Variants in NELL1 observed in about 807,000 individuals in gnomAD.
The protein encoded by NELL1 is neural EGFL like 1.
Under a neutral mutation model 107.4 loss-of-function variants are expected in NELL1, and 76 were observed. The ratio of observed to expected loss-of-function variants is 0.71; its 90% CI spans 0.59 to 0.86. The LOEUF is 0.86. NELL1 is among the 40% of genes least tolerant of loss of function. The pLI is 0.00. For missense variants in NELL1, 1,024 were observed against 1,005.5 expected (o/e 1.02, Z -0.25); for synonymous variants, 353 against 341.2 (o/e 1.03, Z -0.38).
chr11:21,487,039 C>T (rs1211105461), intron 15 of NELL1, among the ~76,000 whole-genome samples: 1 of 151,948 alleles, frequency 6.6e-6, no homozygotes, highest in African/African-American at 2.4e-5. Context: ...GAAGGGGTTC[C>T]AAAACCTATT....
chr11:21,196,545 A>C (rs372235029), intron 13 of NELL1, among the ~76,000 whole-genome samples: 1 of 151,978 alleles, frequency 6.6e-6, no homozygotes, highest in South Asian at 2.1e-4. Context: ...TCTGCATTTC[A>C]TCTAAGTCTT....
chr11:21,472,391 T>C (rs1854206530), intron 15 of NELL1, among the ~76,000 whole-genome samples: 1 of 152,022 alleles, frequency 6.6e-6, no homozygotes, highest in African/African-American at 2.4e-5. Flanking sequence ...TTTGGAGCAC[T>C]ACAACATTAT....
intron 12 of NELL1, among the ~76,000 whole-genome samples, chr11:21,094,057 G>A (rs1488802776): frequency 6.6e-6 from 1 of 152,196 alleles, no homozygotes; most frequent in Admixed American, 6.5e-5. Context: ...TTTCACTAAT[G>A]AGTCTGTAAA....
intron 2 of NELL1, chr11:20,769,536 A>C (rs1429064729): frequency 6.6e-6 from 1 of 152,234 alleles, no homozygotes; most frequent in Non-Finnish European, 1.5e-5. Flanking sequence ...CATCTTAATC[A>C]CCACAGTACA....
At chr11:20,687,397 T>A (rs1228936063) in intron 2 of NELL1, among the ~76,000 whole-genome samples, 1 of 152,074 alleles carries the variant, frequency 6.6e-6, no homozygotes, top group Non-Finnish European at 1.5e-5. Flanking sequence ...TCTTTATGAC[T>A]ATGTATTTTT....
intron 2 of NELL1, among the ~76,000 whole-genome samples, chr11:20,681,876 G>C (rs79574220): frequency 0.035 from 5,394 of 152,042 alleles, 332 homozygotes; most frequent in African/African-American, 0.12. Flanking sequence ...GTCGACTTCT[G>C]TTGTCACATT....
chr11:20,677,659 T>G (rs551993190), intron 1 of NELL1, among the ~76,000 whole-genome samples: 1 of 152,280 alleles, frequency 6.6e-6, no homozygotes, highest in African/African-American at 2.4e-5. Flanking sequence ...CATGGCACCT[T>G]CTGAATTCTG....
At chr11:21,453,798 T>G (rs1304136507) in intron 15 of NELL1, among the ~76,000 whole-genome samples, 1 of 147,966 alleles carries the variant, frequency 6.8e-6, no homozygotes, top group Non-Finnish European at 1.5e-5. Context: ...CTCTTTTGTG[T>G]TTTCTTTCCC....
At chr11:20,996,802 G>T (rs760026386) in intron 12 of NELL1, among the ~76,000 whole-genome samples, 22 of 152,026 alleles carry the variant, frequency 1.4e-4, no homozygotes, top group Non-Finnish European at 3.2e-4. Flanking sequence ...CCTCTCTAGG[G>T]TTTTTATCTT....
intron 5 of NELL1, among the ~76,000 whole-genome samples, chr11:20,899,758 T>TA (rs909847649): frequency 6.6e-6 from 1 of 151,718 alleles, no homozygotes. Flanking sequence ...ATATTAGAAA[T>TA]AAAAAAAGCA....
At chr11:21,024,394 C>T (rs954859888) in intron 12 of NELL1, among the ~76,000 whole-genome samples, 2 of 152,038 alleles carry the variant, frequency 1.3e-5, no homozygotes, top group Non-Finnish European at 2.9e-5. Context: ...TATTTTGGCT[C>T]CTGGACTCAT....
chr11:20,827,771 G>T (rs1045078852), intron 3 of NELL1, among the ~76,000 whole-genome samples: 1 of 151,126 alleles, frequency 6.6e-6, no homozygotes, highest in Non-Finnish European at 1.5e-5. Context: ...AAAGTAAATT[G>T]GTTATGATTT....
rs113731066 is a variant in NELL1, at chr11:20,840,356, C to T, written c.336-7227C>T. 2.6e-5 allele frequency among the ~76,000 whole-genome samples: 4 copies of T among 152,132 alleles called. No individual in the cohort carries two copies. The South Asian group carries it at 6.2e-4, about 24-fold the overall frequency. On this transcript the variant is annotated intron_variant, in intron 3 of 19. Transcript: ENST00000357134. The stretch of plus-strand genomic sequence containing the variant: ...TCTATTGATGTATAAAAAAAACTAC[C>T]CCAAAACTTTTGCTCACAGTTTCTG...
chr11:20,848,240 G>A lies in NELL1; in HGVS notation c.506+487G>A, dbSNP rs555321920. On this transcript the variant is annotated intron_variant, in intron 4 of 19. Coordinates refer to ENST00000357134, the MANE Select transcript of NELL1 (RefSeq NM_006157.5). ...TTTCCAAATGGAGGCTTCTTAAAGAGGCTGTTCTCTGAGCCTTTTGGAATT... is the reference window on the plus strand; with the variant it reads ...TTTCCAAATGGAGGCTTCTTAAAGAAGCTGTTCTCTGAGCCTTTTGGAATT... Among the ~76,000 whole-genome samples the A allele has an allele frequency of 1.1e-3, 163 of 152,298 alleles. 1 individual carries two copies. The highest frequency in any genetic ancestry group is 3.8e-3 in the African/African-American group (160 of 41,564).
intron 13 of NELL1, among the ~76,000 whole-genome samples, chr11:21,189,398 C>T (rs1217135596): frequency 6.6e-6 from 1 of 151,744 alleles, no homozygotes; most frequent in Non-Finnish European, 1.5e-5. Context: ...GCTCTAGAAA[C>T]TATTAAGACT....
intron 12 of NELL1, among the ~76,000 whole-genome samples, chr11:21,097,571 T>C (rs1391348587): frequency 4.6e-5 from 7 of 152,050 alleles, no homozygotes; most frequent in Admixed American, 4.6e-4. Context: ...GTGTGTGAGA[T>C]GTGCAATTTC....
chr11:20,727,380 C>T (rs1855532009), intron 2 of NELL1, among the ~76,000 whole-genome samples: 1 of 152,188 alleles, frequency 6.6e-6, no homozygotes, highest in Non-Finnish European at 1.5e-5. Flanking sequence ...TATCTGTTGG[C>T]TGCATAAATG....
intron 3 of NELL1, among the ~76,000 whole-genome samples, chr11:20,808,587 C>A (rs944707526): frequency 6.6e-6 from 1 of 152,192 alleles, no homozygotes; most frequent in South Asian, 2.1e-4. Context: ...TTAGGACTTG[C>A]CTACGAGTTG....
At chr11:21,235,934 GC>G (rs1858194461) in intron 14 of NELL1, among the ~76,000 whole-genome samples, 1 of 151,994 alleles carries the variant, frequency 6.6e-6, no homozygotes, top group South Asian at 2.1e-4. Context: ...GGCACTCAAG[GC>G]CCTGTGACAT....
Sources: gnomAD v4.1 joint callset for allele counts (sites outside exome capture counted in the v4.1 genomes callset) on GRCh38, gnomAD v4.1.1 for gene constraint, MANE v1.5 for transcripts, NCBI Gene and HGNC (gene_info 2026-07-23, HGNC 2026-07-21) for gene names.